THUMPD3: variants seen among roughly 807,000 people sequenced by gnomAD.
THUMPD3 encodes the protein tRNA (guanine(6)-N(2))-methyltransferase THUMP3.
Under a neutral mutation model 54.5 loss-of-function variants are expected in THUMPD3, and 44 were observed. The observed-to-expected ratio is 0.81, with a 90% CI of 0.63 to 1.04. THUMPD3 has a LOEUF of 1.04. Among genes scored for constraint, THUMPD3 ranks in the 50% least tolerant of loss-of-function variants. The pLI, the probability that THUMPD3 is intolerant of heterozygous loss-of-function variation, is 0.00. For synonymous variants in THUMPD3, 196 were observed against 201.4 expected, an observed-to-expected ratio of 0.97 and a Z score of 0.23; for missense variants, 604 against 601.3, an observed-to-expected ratio of 1.00 and a Z score of -0.05.
At position 9,365,081 on chromosome 3, in the gene THUMPD3, G is replaced by C. The variant is rs761125184; in HGVS notation, c.13G>C (p.Glu5Gln). Residue 5 changes from glutamate (E) to glutamine (Q), a missense_variant, in exon 2 of 10, where the codon GAA becomes CAA. By Grantham distance (29) the Glu-to-Gln change is conservative (BLOSUM62 2). Coordinates refer to ENST00000452837, the MANE Select transcript of THUMPD3 (RefSeq NM_001114092.2). ...AAGCACAGCCAACATGTGTGACATT[G>C]AAGAAGCCACTAACCAACTCCTAGA... MCDI[E>Q]EATNQLLDVN... 1 of 1,613,960 alleles carries C rather than the reference G, an allele frequency of 6.2e-7. No homozygotes were observed. The highest frequency in any genetic ancestry group is 8.5e-7 in the Non-Finnish European group (1 of 1,179,870).
intron 7 of THUMPD3, chr3:9,380,987 A>T (rs576880934): frequency 5.7e-6 from 1 of 174,892 alleles, no homozygotes; most frequent in East Asian, 1.7e-4. Context: ...GCTGGAGTGC[A>T]GTGACATGAT....
chr3:9,374,265 T>G (rs1007883946), intron 4 of THUMPD3, among the ~76,000 whole-genome samples: 1 of 152,192 alleles, frequency 6.6e-6, no homozygotes, highest in Non-Finnish European at 1.5e-5. Context: ...CACAAACATA[T>G]TTTGAAGGCT....
In THUMPD3 at chr3:9,371,360, G is replaced by A. The variant is rs763149891; in HGVS notation, c.631G>A (p.Glu211Lys). Residue 211 changes from glutamate (E) to lysine (K), a missense_variant, in exon 4 of 10, where the codon GAG (glutamate) becomes AAG (lysine). By Grantham distance (56) the Glu-to-Lys change is moderately conservative. Coordinates refer to ENST00000452837, the MANE Select transcript of THUMPD3 (RefSeq NM_001114092.2). ...IGDDLASCKD[E>K]TDESSKEETE... is the part of the protein sequence containing the mutation. ...TGATGATTTGGCATCTTGCAAAGAT[G>A]AGACTGATGAAAGCTCAAAAGAAGA... The A allele has an allele frequency of 6.2e-7, 1 of 1,614,180 alleles. No homozygotes were observed. The highest frequency in any genetic ancestry group is 8.5e-7 in the Non-Finnish European group (1 of 1,180,032).
chr3:9,373,037 A>G (rs1469041649), intron 4 of THUMPD3, among the ~76,000 whole-genome samples: 2 of 152,354 alleles, frequency 1.3e-5, no homozygotes, highest in East Asian at 3.9e-4. Context: ...GCTTGAGCCC[A>G]AGAATTTGAG....
chr3:9,363,768 G>GT (rs939879691), intron 1 of THUMPD3: 30 of 149,282 alleles, frequency 2.0e-4, no homozygotes, highest in African/African-American at 6.6e-4. Flanking sequence ...TCATTAGATA[G>GT]TAAGTATTCA....
Position 9,371,110 on chromosome 3 carries a change from A to G in THUMPD3, c.381A>G (p.Ser127=). 6.3e-7 allele frequency: 1 copy of G among 1,599,030 alleles called. No homozygotes were observed. The highest frequency in any genetic ancestry group is 1.4e-5 in the African/African-American group (1 of 73,814). Residue 127 remains serine (S), a synonymous_variant, in exon 4 of 10, where the codon TCA becomes TCG. Coordinates refer to ENST00000452837, the MANE Select transcript of THUMPD3 (RefSeq NM_001114092.2). The stretch of plus-strand genomic sequence containing the variant: ...ACTTGGCTGGAAAACTCCCATGGTC[A>G]AACCCCTTAAAAGTGTGGAAAATTA... ...FEDLAGKLPW[S]NPLKVWKINA...
chr3:9,369,000 TTTTG>T (rs1316120322), intron 3 of THUMPD3, among the ~76,000 whole-genome samples: 2 of 152,112 alleles, frequency 1.3e-5, no homozygotes, highest in African/African-American at 4.8e-5. Flanking sequence ...TGTTTTGGAT[TTTTG>T]TTTGTTTGTT....
At chr3:9,375,981 C>T (rs977156233) in intron 5 of THUMPD3, among the ~76,000 whole-genome samples, 2 of 152,202 alleles carry the variant, frequency 1.3e-5, no homozygotes, top group Non-Finnish European at 2.9e-5. Flanking sequence ...AATCTTTTAT[C>T]TTCCTAACAT....
chr3:9,380,844 T>G (rs1013943332), intron 7 of THUMPD3: 1 of 355,910 alleles, frequency 2.8e-6, no homozygotes, highest in East Asian at 5.4e-5. Flanking sequence ...ATTTGTCTTA[T>G]TCATATGTCT....
Position 9,371,373 on chromosome 3 carries a change from G to GT in THUMPD3, c.644_645insT (p.Ser216LeufsTer6). 4 of 1,614,194 alleles carry GT rather than the reference G, an allele frequency of 2.5e-6. No individual in the cohort carries two copies. The South Asian group carries it at 3.3e-5, about 13-fold the overall frequency. On this transcript the variant is annotated frameshift_variant, in exon 4 of 10. Coordinates refer to ENST00000452837, the MANE Select transcript of THUMPD3 (RefSeq NM_001114092.2). LOFTEE classifies it high-confidence loss of function. ...TCTTGCAAAGATGAGACTGATGAAA[G>GT]CTCAAAAGAAGAAACTGAGCCTCAA...
At chr3:9,382,717 T>C (rs1399197707) in intron 7 of THUMPD3, among the ~76,000 whole-genome samples, 1 of 152,330 alleles carries the variant, frequency 6.6e-6, no homozygotes, top group East Asian at 1.9e-4. Context: ...ATTACAATCA[T>C]GTTTTCAGTT....
At chr3:9,377,730 G>C (rs2032574016) in intron 5 of THUMPD3, 89 bp from the exon 6 acceptor site, 1 of 981,550 alleles carries the variant, frequency 1.0e-6, no homozygotes, top group Admixed American at 2.0e-5. Context: ...TAGTGTGGTA[G>C]GTCCTCAATC....
intron 8 of THUMPD3, among the ~76,000 whole-genome samples, chr3:9,383,699 C>G (rs578053897): frequency 2.2e-4 from 34 of 152,120 alleles, no homozygotes; most frequent in Non-Finnish European, 4.0e-4. Flanking sequence ...TCTCGGCTCA[C>G]TGTAACCTCT....
chr3:9,378,544 G>A (rs1185914421), intron 6 of THUMPD3, among the ~76,000 whole-genome samples: 1 of 152,180 alleles, frequency 6.6e-6, no homozygotes, highest in African/African-American at 2.4e-5. Flanking sequence ...TGAAGTTTGT[G>A]TGAAACATAG....
chr3:9,380,526 T>C lies in THUMPD3; in HGVS notation c.1032T>C (p.Cys344=), dbSNP rs2596916. 985,034 of 1,609,930 alleles carry C rather than the reference T, an allele frequency of 0.61. 303,789 individuals carry two copies. Among genetic ancestry groups the C allele is most frequent in the South Asian group, 0.78 (70,985 of 90,918 alleles). The change falls in exon 7 of 10, where the codon TGT becomes TGC. Residue 344 remains cysteine, a synonymous_variant. Coordinates refer to ENST00000452837, the MANE Select transcript of THUMPD3 (RefSeq NM_001114092.2). ...AGGGGGCCACTGAATGGTCTGACTG[T>C]TTCCATATTGCTGGTGATAATAATC... ...PIEGATEWSD[C]FHIAGDNNPL... is the part of the protein sequence containing the mutation.
intron 9 of THUMPD3, 88 bp from the exon 10 acceptor site, chr3:9,384,435 CT>C (rs2033180032): frequency 3.7e-6 from 6 of 1,600,594 alleles, no homozygotes; most frequent in Middle Eastern, 1.7e-4. Flanking sequence ...TTCTCTTCCC[CT>C]GAGGTTTCCT....
chr3:9,370,098 C>T (rs1223977429), intron 3 of THUMPD3, among the ~76,000 whole-genome samples: 3 of 152,120 alleles, frequency 2.0e-5, no homozygotes, highest in Non-Finnish European at 4.4e-5. Flanking sequence ...AGTGTTCACC[C>T]TTAAACTTTT....
chr3:9,367,172 G>C (rs2031632609), intron 3 of THUMPD3, among the ~76,000 whole-genome samples, 187 bp downstream of exon 3: 1 of 152,144 alleles, frequency 6.6e-6, no homozygotes, highest in African/African-American at 2.4e-5. Context: ...TTGAAAATTA[G>C]TATTGAAAAC....
At chr3:9,367,989 C>CGGGA (rs1433050184) in intron 3 of THUMPD3, among the ~76,000 whole-genome samples, 2 of 151,978 alleles carry the variant, frequency 1.3e-5, no homozygotes, top group Non-Finnish European at 2.9e-5. Context: ...GGCGTGAACC[C>CGGGA]GGGAGGCGGA....
Sources: gnomAD v4.1 joint callset for allele counts (sites outside exome capture counted in the v4.1 genomes callset) on GRCh38, gnomAD v4.1.1 for gene constraint, MANE v1.5 for transcripts, NCBI Gene and HGNC (gene_info 2026-07-23, HGNC 2026-07-21) for gene names.